Variants in SEC24C observed in about 807,000 individuals in gnomAD.
SEC24C encodes the protein SEC24 homolog C, COPII component.
A neutral mutation model predicts 117.0 loss-of-function variants in SEC24C; 22 were observed. That is an observed-to-expected ratio of 0.19 (90% confidence interval 0.13 to 0.27). The LOEUF (loss-of-function observed/expected upper bound fraction) is 0.27. SEC24C is among the 10% of genes least tolerant of loss of function. SEC24C has a pLI of 1.00. For missense variants in SEC24C, 1,155 were observed against 1,375.1 expected (o/e 0.84, Z 2.53); for synonymous variants, 506 against 529.4 (o/e 0.96, Z 0.61).
intron 2 of SEC24C, among the ~76,000 whole-genome samples, chr10:73,747,497 A>G (rs908238262): frequency 2.6e-5 from 4 of 151,862 alleles, no homozygotes; most frequent in African/African-American, 7.3e-5. Context: ...GATTACAGGC[A>G]TCCACCACCA....
At chr10:73,761,442 T>C (rs1403528308) in intron 6 of SEC24C, among the ~76,000 whole-genome samples, 1 of 152,196 alleles carries the variant, frequency 6.6e-6, no homozygotes, top group Non-Finnish European at 1.5e-5. Flanking sequence ...AATTGCACCC[T>C]TGGAGCCATC....
rs769928318 is a variant in SEC24C, at chr10:73,769,212, G to C, written c.2424+60G>C. ...TTTCATTCGCTTGGTATAGAAGAGGGTGAGGAATGGGTAGAGAGCACTAAA... is the reference window on the plus strand; with the variant it reads ...TTTCATTCGCTTGGTATAGAAGAGGCTGAGGAATGGGTAGAGAGCACTAAA... On this transcript the variant is annotated intron_variant, in intron 17 of 22. Transcript: ENST00000345254. This position sits in a 1 kb window ranked among gnomAD's most constrained non-coding sequence, Gnocchi z 4.5. 2 of 1,602,612 alleles carry C rather than the reference G, an allele frequency of 1.2e-6. No individual in the cohort carries two copies. The highest frequency in any genetic ancestry group is 3.5e-5 in the Admixed American group (2 of 57,858).
Position 73,767,931 on chromosome 10 carries a change from AGTATGTG to A in SEC24C, c.2107_2113del (p.Tyr703MetfsTer32). 6.9e-7 allele frequency: 1 copy of A among 1,455,004 alleles called. No individual in the cohort carries two copies. Among genetic ancestry groups the A allele is most frequent in the South Asian group, 1.4e-5 (1 of 73,692 alleles). 90.1% of individuals were successfully genotyped at this position (1,455,004 alleles called of 1,614,324 possible). On this transcript the variant is annotated frameshift_variant, in exon 15 of 23. Transcript: ENST00000345254. LOFTEE classifies it high-confidence loss of function. ...GTAGATCTCTTTCTCTTCCCTAACCAGTATGTGGATGTGGCCACACTCTCTGTTGTGC... is the reference window on the plus strand; with the variant it reads ...GTAGATCTCTTTCTCTTCCCTAACCAGATGTGGCCACACTCTCTGTTGTGC...
intron 1 of SEC24C, among the ~76,000 whole-genome samples, chr10:73,746,140 CAG>C (rs1554965893): frequency 1.7e-5 from 2 of 118,812 alleles, no homozygotes; most frequent in Non-Finnish European, 3.2e-5. Flanking sequence ...AGCCTGGCAA[CAG>C]AGTGAGACTC....
chr10:73,749,905 A>AAT, intron 2 of SEC24C, among the ~76,000 whole-genome samples: 1 of 152,288 alleles, frequency 6.6e-6, no homozygotes, highest in Non-Finnish European at 1.5e-5. Context: ...GCTTTTTGGA[A>AAT]ATAGTTAACA....
At chr10:73,754,410 G>A (rs1341559224) in intron 3 of SEC24C, among the ~76,000 whole-genome samples, 1 of 151,974 alleles carries the variant, frequency 6.6e-6, no homozygotes, top group African/African-American at 2.4e-5. Flanking sequence ...GTGAGACTTC[G>A]TCTCAGGAAA....
chr10:73,766,286 G>C lies in SEC24C; in HGVS notation c.1608-64G>C, dbSNP rs1183626377. 3.8e-6 allele frequency: 6 copies of C among 1,582,174 alleles called. No individual in the cohort carries two copies. In the East Asian group the frequency reaches 9.0e-5, roughly 24 times the overall value. ...GGGTTGACTGAAGAAATGTAGCTTG[G>C]TGTCATGAAGTTGTGGGTGGTGGAA... is the stretch of plus-strand genomic sequence containing the variant. On this transcript the variant is annotated intron_variant, in intron 11 of 22. Transcript: ENST00000345254.
chr10:73,765,722 T>C lies in SEC24C; in HGVS notation c.1367-78T>C, dbSNP rs556475183. 12 of 1,550,460 alleles carry C rather than the reference T, an allele frequency of 7.7e-6. No homozygotes were observed. The Admixed American group carries it at 1.3e-4, about 17-fold the overall frequency. On this transcript the variant is annotated intron_variant, in intron 9 of 22. Transcript: ENST00000345254. ...TAGGGCACATGGGAATGAGGGATAG[T>C]GGTGTGAGCTCAGCTAGGGCCAGAA...
At position 73,771,634 on chromosome 10, in the gene SEC24C, T is replaced by TGCTC. The variant is rs1341818784; in HGVS notation, c.*548_*551dup. 4 of 156,530 alleles carry TGCTC rather than the reference T, an allele frequency of 2.6e-5. No individual in the cohort carries two copies. Among genetic ancestry groups the TGCTC allele is most frequent in the African/African-American group, 9.6e-5 (4 of 41,486 alleles). The allele number at this position is 156,530 out of a possible 1,614,324, so 9.7% of individuals were successfully genotyped here. Reference sequence around the variant, plus strand: ...AGCAGTCAAGTTTCTCTGCTTTCACTGCTCGCTCGCTCTCTCCTGCAATGA... The same window carrying TGCTC: ...AGCAGTCAAGTTTCTCTGCTTTCACTGCTCGCTCGCTCGCTCTCTCCTGCAATGA... On this transcript the variant is annotated 3_prime_UTR_variant, in exon 23 of 23. Coordinates refer to ENST00000345254, the MANE Select transcript of SEC24C (RefSeq NM_198597.3).
At position 73,746,890 on chromosome 10, in the gene SEC24C, T is replaced by C; in HGVS notation, c.58T>C (p.Tyr20His). The change falls in exon 2 of 23, where the codon TAC (tyrosine) becomes CAC (histidine). Residue 20 changes from tyrosine to histidine, a missense_variant. Tyr to His is a moderately conservative substitution (Grantham distance 83). Coordinates refer to ENST00000345254, the MANE Select transcript of SEC24C (RefSeq NM_198597.3). ...ACCATTTGGGCAGCCCCAGCCCATCTACCCAGGGTATCATCAGTCCAGCTA... is the reference window on the plus strand; with the variant it reads ...ACCATTTGGGCAGCCCCAGCCCATCCACCCAGGGTATCATCAGTCCAGCTA... ...VPPFGQPQPI[Y>H]PGYHQSSYGG... 4 of 1,613,776 alleles carry C rather than the reference T, an allele frequency of 2.5e-6. No homozygotes were observed. Among genetic ancestry groups the C allele is most frequent in the Non-Finnish European group, 3.4e-6 (4 of 1,179,848 alleles).
At position 73,752,854 on chromosome 10, in the gene SEC24C, C is replaced by T. The variant is rs552797563; in HGVS notation, c.308+1611C>T. Among the ~76,000 whole-genome samples, 9 of 152,074 alleles carry T rather than the reference C, an allele frequency of 5.9e-5. No individual in the cohort carries two copies. The East Asian group carries it at 1.2e-3, about 20-fold the overall frequency. ...AACAAAACAAAACAAAAAACCCATA[C>T]GAAACAAGCATATGCCTTAGTAAAT... is the stretch of plus-strand genomic sequence containing the variant. On this transcript the variant is annotated intron_variant, in intron 3 of 22. Transcript: ENST00000345254.
chr10:73,747,395 C>T (rs565380758), intron 2 of SEC24C, among the ~76,000 whole-genome samples: 43 of 151,900 alleles, frequency 2.8e-4, no homozygotes, highest in Non-Finnish European at 4.9e-4. Context: ...CTCTCTCTGT[C>T]GCCCAGGCTG....
rs539245434 is a variant in SEC24C, at chr10:73,767,091, C to T, written c.1931C>T (p.Thr644Ile). 2 of 1,614,066 alleles carry T rather than the reference C, an allele frequency of 1.2e-6. No homozygotes were observed. The highest frequency in any genetic ancestry group is 2.7e-5 in the African/African-American group (2 of 75,046). ...ECAGKLFLFH[T>I]SLPIAEAPGK... ...GCAGGGAAGCTCTTTCTATTCCATA[C>T]ATCCCTGCCCATTGCAGAGGCCCCA... is the stretch of plus-strand genomic sequence containing the variant. Residue 644 changes from threonine to isoleucine, a missense_variant, in exon 14 of 23, where the codon ACA (threonine) becomes ATA (isoleucine). By Grantham distance (89) the Thr-to-Ile change is moderately conservative. Coordinates refer to ENST00000345254, the MANE Select transcript of SEC24C (RefSeq NM_198597.3).
rs2082966897 is a variant in SEC24C, at chr10:73,770,748, G to T, written c.3094G>T (p.Val1032Phe). ...PVLDNPLSKK[V>F]RGLIDSLRAQ... ...TCTGGATAATCCACTGTCCAAGAAG[G>T]TTCGAGGCCTCATTGATAGCTTACG... Residue 1032 changes from valine (V) to phenylalanine (F), a missense_variant, in exon 22 of 23, where the codon GTT (valine) becomes TTT (phenylalanine). Physicochemically the swap from Val to Phe is conservative, Grantham distance 50. Around this residue, in one of 2 missense-constraint regions of SEC24C, gnomAD observed 759 missense variants for 992.3 expected, o/e 0.76. Coordinates refer to ENST00000345254, the MANE Select transcript of SEC24C (RefSeq NM_198597.3). 1 of 1,614,138 alleles carries T rather than the reference G, an allele frequency of 6.2e-7. No homozygotes were observed. The highest frequency in any genetic ancestry group is 8.5e-7 in the Non-Finnish European group (1 of 1,180,040).
chr10:73,751,063 A>G (rs2082635074), intron 2 of SEC24C, 45 bp from the exon 3 acceptor site: 3 of 1,591,598 alleles, frequency 1.9e-6, no homozygotes, highest in Non-Finnish European at 2.6e-6. Context: ...AGGGTGGAGG[A>G]GAAAGTTATT....
At position 73,765,931 on chromosome 10, in the gene SEC24C, A is replaced by G; in HGVS notation, c.1482+16A>G. On this transcript the variant is annotated intron_variant, in intron 10 of 22. Transcript: ENST00000345254. ...TTACTGCAAGGTGAGGGAAGGTAGC[A>G]TGGGAGGAGCAGTGAGTGGAGGATA... The G allele has an allele frequency of 6.2e-7, 1 of 1,605,114 alleles. No individual in the cohort carries two copies. The highest frequency in any genetic ancestry group is 8.5e-7 in the Non-Finnish European group (1 of 1,171,886).
At chr10:73,745,577 C>T (rs1245215932) in intron 1 of SEC24C, among the ~76,000 whole-genome samples, 1 of 141,048 alleles carries the variant, frequency 7.1e-6, no homozygotes, top group East Asian at 2.0e-4. Flanking sequence ...GAAAGGGCGT[C>T]TTGCTCTATT....
chr10:73,766,554 T>A lies in SEC24C; in HGVS notation c.1799+13T>A. 6.3e-7 allele frequency: 1 copy of A among 1,597,978 alleles called. No individual in the cohort carries two copies. Among genetic ancestry groups the A allele is most frequent in the South Asian group, 1.1e-5 (1 of 89,870 alleles). On this transcript the variant is annotated intron_variant, in intron 12 of 22. Coordinates refer to ENST00000345254, the MANE Select transcript of SEC24C (RefSeq NM_198597.3). Reference sequence around the variant, plus strand: ...CAGTTATCACCAGGTAAGAGCCAGATTGTGGAGGTAAAGGTTGGGGGTGGC... The same window carrying A: ...CAGTTATCACCAGGTAAGAGCCAGAATGTGGAGGTAAAGGTTGGGGGTGGC...
intron 3 of SEC24C, among the ~76,000 whole-genome samples, chr10:73,755,531 G>T (rs981285194): frequency 1.3e-5 from 2 of 151,974 alleles, no homozygotes; most frequent in East Asian, 3.9e-4. Flanking sequence ...CAAAAAATTA[G>T]CTGGGCGCGG....
Sources: gnomAD v4.1 joint callset for allele counts (sites outside exome capture counted in the v4.1 genomes callset) on GRCh38, gnomAD v4.1.1 for gene constraint, gnomAD v4.1.1 regional missense constraint, Gnocchi (gnomAD v3.1) non-coding constraint, MANE v1.5 for transcripts, NCBI Gene and HGNC (gene_info 2026-07-23, HGNC 2026-07-21) for gene names.